Variants in LRRC4C observed in about 807,000 individuals in gnomAD.
LRRC4C encodes the protein leucine rich repeat containing 4C.
LRRC4C carries 5 observed loss-of-function variants against 33.6 expected under a neutral mutation model. The ratio of observed to expected loss-of-function variants is 0.15; its 90% CI spans 0.08 to 0.31. The LOEUF (loss-of-function observed/expected upper bound fraction) is 0.31. LRRC4C is among the 10% of genes least tolerant of loss of function. The pLI is 1.00. For missense variants in LRRC4C, 560 were observed against 796.7 expected (o/e 0.70, Z 3.58); for synonymous variants, 329 against 302.0 (o/e 1.09, Z -0.93).
intron 2 of LRRC4C, among the ~76,000 whole-genome samples, chr11:40,777,667 A>T (rs1036651006): frequency 4.0e-5 from 6 of 151,726 alleles, no homozygotes; most frequent in South Asian, 2.1e-4. Context: ...GACAGCAGAC[A>T]AATGGATCTT....
chr11:40,667,557 A>G (rs577260986), intron 2 of LRRC4C, among the ~76,000 whole-genome samples: 1 of 152,282 alleles, frequency 6.6e-6, no homozygotes, highest in African/African-American at 2.4e-5. Context: ...AGATGACTCC[A>G]TCTTAGCTGA....
chr11:41,342,907 G>A (rs1951686405), intron 1 of LRRC4C, among the ~76,000 whole-genome samples: 1 of 152,112 alleles, frequency 6.6e-6, no homozygotes, highest in African/African-American at 2.4e-5. Context: ...GTGCTGGGAG[G>A]ATTACACTAA....
At chr11:40,949,798 ACTG>A (rs1254733506) in intron 1 of LRRC4C, among the ~76,000 whole-genome samples, 3 of 151,974 alleles carry the variant, frequency 2.0e-5, no homozygotes, top group African/African-American at 7.2e-5. Flanking sequence ...CTAGGAAGAA[ACTG>A]CATCAACTAA....
intron 1 of LRRC4C, among the ~76,000 whole-genome samples, chr11:41,405,920 A>G (rs573745418): frequency 8.7e-4 from 132 of 152,290 alleles, no homozygotes; most frequent in African/African-American, 2.9e-3. Context: ...AAAATATAAA[A>G]GAAAAACTAA....
At chr11:41,199,893 A>G (rs1440090658) in intron 1 of LRRC4C, among the ~76,000 whole-genome samples, 1 of 152,170 alleles carries the variant, frequency 6.6e-6, no homozygotes, top group Non-Finnish European at 1.5e-5. Context: ...AAGCCCAGAT[A>G]AAATATATAC....
intron 1 of LRRC4C, among the ~76,000 whole-genome samples, chr11:41,008,929 T>C (rs1308032615): frequency 6.6e-6 from 1 of 152,124 alleles, no homozygotes; most frequent in African/African-American, 2.4e-5. Flanking sequence ...ATTTGCCTTT[T>C]TAATGATATA....
chr11:40,306,121 T>A (rs879734377), intron 4 of LRRC4C, among the ~76,000 whole-genome samples: 6 of 152,216 alleles, frequency 3.9e-5, no homozygotes, highest in Admixed American at 6.5e-5. Context: ...TTAAAGTCAC[T>A]TTCATCAACA....
chr11:40,416,094 A>G (rs746271948), intron 3 of LRRC4C, among the ~76,000 whole-genome samples: 1 of 152,192 alleles, frequency 6.6e-6, no homozygotes, highest in Non-Finnish European at 1.5e-5. Context: ...CAACAAACCC[A>G]CCATGACAGG....
chr11:41,439,494 T>G (rs1415976485), intron 1 of LRRC4C, among the ~76,000 whole-genome samples: 1 of 152,184 alleles, frequency 6.6e-6, no homozygotes, highest in Non-Finnish European at 1.5e-5. Context: ...TCCCACCAAT[T>G]TGTATAAGCA....
chr11:41,068,591 T>C (rs1379154624), intron 1 of LRRC4C, among the ~76,000 whole-genome samples: 2 of 151,964 alleles, frequency 1.3e-5, no homozygotes, highest in Non-Finnish European at 2.9e-5. Context: ...TATAAACACC[T>C]CTACTCAAGC....
At chr11:40,266,055 T>A (rs954897201) in intron 4 of LRRC4C, among the ~76,000 whole-genome samples, 3 of 152,152 alleles carry the variant, frequency 2.0e-5, no homozygotes, top group African/African-American at 7.2e-5. Context: ...TCCAGCACTT[T>A]GGGAGGCCGA....
intron 1 of LRRC4C, among the ~76,000 whole-genome samples, chr11:41,251,688 TATTA>T (rs1948644019): frequency 6.6e-6 from 1 of 152,064 alleles, no homozygotes; most frequent in Non-Finnish European, 1.5e-5. Context: ...CAAAAATGAG[TATTA>T]ATTATCGTGC....
At chr11:40,378,304 A>G (rs1325995253) in intron 3 of LRRC4C, among the ~76,000 whole-genome samples, 1 of 152,014 alleles carries the variant, frequency 6.6e-6, no homozygotes, top group Non-Finnish European at 1.5e-5. Flanking sequence ...TCTGGCAAGC[A>G]GTTCATCATG....
chr11:41,025,371 T>C (rs143055477), intron 1 of LRRC4C, among the ~76,000 whole-genome samples: 1 of 151,700 alleles, frequency 6.6e-6, no homozygotes, highest in African/African-American at 2.4e-5. Flanking sequence ...AAGACATGAA[T>C]GATAAGAAAA....
chr11:40,297,378 G>T (rs1414195377), intron 4 of LRRC4C, among the ~76,000 whole-genome samples: 1 of 152,040 alleles, frequency 6.6e-6, no homozygotes, highest in Non-Finnish European at 1.5e-5. Flanking sequence ...AATGACATGT[G>T]AATTAATTTC....
chr11:40,158,037 G>T (rs1858849068), intron 5 of LRRC4C, among the ~76,000 whole-genome samples: 1 of 152,072 alleles, frequency 6.6e-6, no homozygotes, highest in Non-Finnish European at 1.5e-5. Flanking sequence ...TCAATGAGTG[G>T]ATAAAGAAAC....
intron 1 of LRRC4C, among the ~76,000 whole-genome samples, chr11:41,403,833 A>T (rs1954116142): frequency 6.6e-6 from 1 of 152,028 alleles, no homozygotes; most frequent in Admixed American, 6.6e-5. Flanking sequence ...CTCAGTTCAC[A>T]TTCAATAGAG....
intron 1 of LRRC4C, among the ~76,000 whole-genome samples, chr11:41,254,695 A>G (rs1565521617): frequency 6.6e-6 from 1 of 152,054 alleles, no homozygotes; most frequent in Non-Finnish European, 1.5e-5. Context: ...GAGGTGGTTT[A>G]AAACAGCCCC....
chr11:41,422,381 A>T (rs748676684), intron 1 of LRRC4C, among the ~76,000 whole-genome samples: 10 of 152,036 alleles, frequency 6.6e-5, no homozygotes, highest in Non-Finnish European at 1.5e-4. Flanking sequence ...CTGTAGGGAG[A>T]TCTGCCAGTG....
Sources: allele counts gnomAD v4.1 joint callset (sites outside exome capture counted in the v4.1 genomes callset), GRCh38; gene constraint gnomAD v4.1.1; transcripts MANE v1.5; gene names NCBI Gene and HGNC (gene_info 2026-07-23, HGNC 2026-07-21).